Variants in SNX22 observed in about 807,000 individuals in gnomAD.
SNX22 encodes sorting nexin-22.
SNX22 carries 23 observed loss-of-function variants against 24.7 expected under a neutral mutation model. The ratio of observed to expected loss-of-function variants is 0.93; its 90% CI spans 0.67 to 1.32. The LOEUF is 1.32. Ranked by LOEUF, SNX22 falls within the 40% of genes most tolerant of loss-of-function variation. SNX22 has a pLI of 0.00. For synonymous variants in SNX22, 99 were observed against 104.0 expected (o/e 0.95, Z 0.29); for missense variants, 261 against 249.9 (o/e 1.04, Z -0.30).
Position 64,152,708 on chromosome 15 carries a change from A to C in SNX22, c.230A>C (p.Glu77Ala). The C allele has an allele frequency of 6.2e-7, 1 of 1,614,184 alleles. No homozygotes were observed. The highest frequency in any genetic ancestry group is 1.7e-5 in the Admixed American group (1 of 60,024). ...CCCAACTGGAGGACCAGAGGGTTGG[A>C]ACAGCGCCGGCAGGGCTTGGAGGCT... ...RLPNWRTRGL[E>A]QRRQGLEAYI... Residue 77 changes from glutamate to alanine, a missense_variant, in exon 3 of 7, where the codon GAA becomes GCA. Coordinates refer to ENST00000325881, the MANE Select transcript of SNX22 (RefSeq NM_024798.3).
At chr15:64,152,141 T>C in intron 1 of SNX22, 102 bp from the exon 2 acceptor site, 1 of 1,167,902 alleles carries the variant, frequency 8.6e-7, no homozygotes, top group Non-Finnish European at 1.1e-6. Context: ...GGCCGCTTTG[T>C]GCCTTTGAGA....
At chr15:64,152,463 C>T in intron 2 of SNX22, 137 bp downstream of exon 2, 2 of 1,252,496 alleles carry the variant, frequency 1.6e-6, no homozygotes, top group Non-Finnish European at 2.2e-6. Flanking sequence ...CCGGTCAGCC[C>T]CCGGGCCTCT....
intron 6 of SNX22, 140 bp from the exon 7 acceptor site, chr15:64,154,247 G>A: frequency 6.3e-7 from 1 of 1,578,786 alleles, no homozygotes; most frequent in Non-Finnish European, 8.6e-7. Flanking sequence ...ACCTGGGAAT[G>A]CGGAGGCTTC....
Position 64,154,756 on chromosome 15 carries a change from A to T in SNX22, c.*248A>T. On this transcript the variant is annotated 3_prime_UTR_variant, in exon 7 of 7. Coordinates refer to ENST00000325881, the MANE Select transcript of SNX22 (RefSeq NM_024798.3). ...AAGATAAGTAATAAAAGAGGAAGTC[A>T]GCCAGGCGCGGTGGCTCATGCCTGT... The T allele has an allele frequency of 2.6e-6, 1 of 382,616 alleles. No homozygotes were observed. The highest frequency in any genetic ancestry group is 4.7e-6 in the Non-Finnish European group (1 of 213,772). The allele number at this position is 382,616 out of a possible 1,614,324, so 23.7% of individuals were successfully genotyped here.
Position 64,154,704 on chromosome 15 carries a change from G to A in SNX22, c.*196G>A. The A allele has an allele frequency of 1.6e-6, 1 of 625,846 alleles. No individual in the cohort carries two copies. The highest frequency in any genetic ancestry group is 2.7e-6 in the Non-Finnish European group (1 of 374,764). The allele number at this position is 625,846 out of a possible 1,614,324, so 38.8% of individuals were successfully genotyped here. On this transcript the variant is annotated 3_prime_UTR_variant, in exon 7 of 7. Transcript: ENST00000325881. Reference sequence around the variant, plus strand: ...AGGTGGTAGAATTTGTATGCTCTTAGAGCCCAACAGCCAAGGCAGGGTCAA... The same window carrying A: ...AGGTGGTAGAATTTGTATGCTCTTAAAGCCCAACAGCCAAGGCAGGGTCAA...
intron 2 of SNX22, 144 bp from the exon 3 acceptor site, chr15:64,152,494 C>A: frequency 1.7e-6 from 2 of 1,204,334 alleles, no homozygotes; most frequent in African/African-American, 3.0e-5. Flanking sequence ...TGGGGCCTTC[C>A]TCGCCCTCGG....
chr15:64,153,676 C>T lies in SNX22; in HGVS notation c.384C>T (p.Gly128=), dbSNP rs747541757. ...GCACCCTGAGGGAGTTCCTGCCTGG[C>T]GACAGCAGGCAAGTCAAAGCCCTAG... ...NWGTLREFLP[G]DSSSQQHQRP... is the part of the protein sequence containing the mutation. Residue 128 remains glycine, a synonymous_variant, in exon 5 of 7, where the codon GGC becomes GGT. Transcript: ENST00000325881. 5 of 1,613,924 alleles carry T rather than the reference C, an allele frequency of 3.1e-6. No homozygotes were observed. The highest frequency in any genetic ancestry group is 4.2e-6 in the Non-Finnish European group (5 of 1,180,004).
chr15:64,152,900 AC>A, intron 3 of SNX22, 158 bp downstream of exon 3: 3 of 646,024 alleles, frequency 4.6e-6, no homozygotes, highest in Non-Finnish European at 5.3e-6. Context: ...AGGTCCAAAC[AC>A]CCCCCTCTGG....
rs527699458 is a variant in SNX22, at chr15:64,157,265, G to A, written c.*2757G>A. 9.3e-6 allele frequency: 3 copies of A among 322,860 alleles called. No individual in the cohort carries two copies. Among genetic ancestry groups the A allele is most frequent in the East Asian group, 1.4e-4 (2 of 14,160 alleles). 20.0% of individuals were successfully genotyped at this position (322,860 alleles called of 1,614,324 possible). On this transcript the variant is annotated 3_prime_UTR_variant, in exon 7 of 7. Transcript: ENST00000325881. This position sits in a 1 kb window ranked among gnomAD's most constrained non-coding sequence, Gnocchi z 4.2. ...GAGGGAAGTGCCGTGCAGGATGCAG[G>A]GGAGTCAACAGGGTCGGAACTCTCC...
In SNX22 at chr15:64,154,415, T is replaced by C. The variant is rs538992584; in HGVS notation, c.489T>C (p.Gly163=). ...CGCTGCCCAACGTGGTGGTGAATGG[T>C]GTGCTCCAGGGCCTCTACAGCTTCA... The part of the protein sequence containing the change: ...PESLPNVVVN[G]VLQGLYSFSI... The change falls in exon 7 of 7, where the codon GGT becomes GGC. Residue 163 remains glycine, a synonymous_variant. Transcript: ENST00000325881. 1.9e-6 allele frequency: 3 copies of C among 1,614,094 alleles called. No individual in the cohort carries two copies. In the Admixed American group the frequency reaches 5.0e-5, roughly 27 times the overall value.
chr15:64,152,981 C>G, intron 3 of SNX22: 1 of 608,332 alleles, frequency 1.6e-6, no homozygotes. Flanking sequence ...GGTCCTGTCC[C>G]CTCCATGGTG....
At position 64,151,865 on chromosome 15, in the gene SNX22, TG is replaced by T; in HGVS notation, c.75+17del. The T allele has an allele frequency of 6.5e-7, 1 of 1,528,580 alleles. No homozygotes were observed. The allele number at this position is 1,528,580 out of a possible 1,614,324, so 94.7% of individuals were successfully genotyped here. Reference sequence around the variant, plus strand: ...AAAGCCACATGGTGAGCGCGGCCCCTGGATGGGGAGGGGCGCCGGGACCCGC... The same window carrying T: ...AAAGCCACATGGTGAGCGCGGCCCCTGATGGGGAGGGGCGCCGGGACCCGC... On this transcript the variant is annotated intron_variant, in intron 1 of 6. Transcript: ENST00000325881.
Position 64,156,830 on chromosome 15 carries a change from G to A in SNX22, c.*2322G>A. The A allele has an allele frequency of 1.2e-6, 2 of 1,614,166 alleles. No homozygotes were observed. Among genetic ancestry groups the A allele is most frequent in the Non-Finnish European group, 1.7e-6 (2 of 1,180,024 alleles). ...AGCCGTTGGTGTCTTTGCCTGCGTT[G>A]GCCATGCTCACCCAGCCAGGCCCGT... On this transcript the variant is annotated 3_prime_UTR_variant, in exon 7 of 7. Transcript: ENST00000325881. This position sits in a 1 kb window ranked among gnomAD's most constrained non-coding sequence, Gnocchi z 6.4.
chr15:64,153,344 G>C lies in SNX22; in HGVS notation c.359+5G>C. The C allele has an allele frequency of 6.2e-7, 1 of 1,613,168 alleles. No homozygotes were observed. The highest frequency in any genetic ancestry group is 8.5e-7 in the Non-Finnish European group (1 of 1,179,356). On this transcript the variant is annotated splice_donor_5th_base_variant and intron_variant, in intron 4 of 6. Coordinates refer to ENST00000325881, the MANE Select transcript of SNX22 (RefSeq NM_024798.3). ...CCCCAAGGCTAGCAACTGGGGGTAA[G>C]GGGGGCCGATGGCGGGGGCCAGGGG...
Position 64,156,015 on chromosome 15 carries a change from CCT to C in SNX22, c.*1508_*1509del. The C allele has an allele frequency of 6.2e-7, 1 of 1,614,138 alleles. No individual in the cohort carries two copies. The stretch of plus-strand genomic sequence containing the variant: ...AGACGGTCACTCAAAGAAAGATGTC[CCT>C]GTGCCCTACTCCTTGGCGATGGCAA... On this transcript the variant is annotated 3_prime_UTR_variant, in exon 7 of 7. Coordinates refer to ENST00000325881, the MANE Select transcript of SNX22 (RefSeq NM_024798.3). This position sits in a 1 kb window ranked among gnomAD's most constrained non-coding sequence, Gnocchi z 6.4.
intron 2 of SNX22, 35 bp from the exon 3 acceptor site, chr15:64,152,603 G>A (rs747154728): frequency 1.3e-6 from 2 of 1,594,770 alleles, no homozygotes; most frequent in Admixed American, 1.7e-5. Flanking sequence ...GGCTCAGTCG[G>A]GATGCTGTGA....
chr15:64,156,430 C>T lies in SNX22; in HGVS notation c.*1922C>T, dbSNP rs980761506. On this transcript the variant is annotated 3_prime_UTR_variant, in exon 7 of 7. Transcript: ENST00000325881. The surrounding 1 kb of genome is among the most constrained non-coding windows in gnomAD (Gnocchi z 6.4). ...GGCATGTGGCTTCTCAGGGACATTG[C>T]GTTCAGCTGCACTCTGTATACCTCA... 8.1e-6 allele frequency: 5 copies of T among 615,654 alleles called. No individual in the cohort carries two copies. The highest frequency in any genetic ancestry group is 2.6e-5 in the Admixed American group (1 of 37,846). The allele number at this position is 615,654 out of a possible 1,614,324, so 38.1% of individuals were successfully genotyped here.
rs771956142 is a variant in SNX22, at chr15:64,153,225, G to A, written c.265-20G>A. 1.9e-6 allele frequency: 3 copies of A among 1,613,730 alleles called. No individual in the cohort carries two copies. Among genetic ancestry groups the A allele is most frequent in the Non-Finnish European group, 2.5e-6 (3 of 1,179,816 alleles). ...AATTAGTAGCTGGGTCTGATTGCAG[G>A]TCTCCTCTGTCCTCTCCAGGGCATC... On this transcript the variant is annotated intron_variant, in intron 3 of 6. Coordinates refer to ENST00000325881, the MANE Select transcript of SNX22 (RefSeq NM_024798.3).
rs1412404574 is a variant in SNX22 at position 64,156,007 on chromosome 15, A to T, written c.*1499A>T. On this transcript the variant is annotated 3_prime_UTR_variant, in exon 7 of 7. Coordinates refer to ENST00000325881, the MANE Select transcript of SNX22 (RefSeq NM_024798.3). This position sits in a 1 kb window ranked among gnomAD's most constrained non-coding sequence, Gnocchi z 6.4. ...GCCTGCACAGACGGTCACTCAAAGA[A>T]AGATGTCCCTGTGCCCTACTCCTTG... The T allele has an allele frequency of 5.0e-6, 8 of 1,614,094 alleles. No individual in the cohort carries two copies. Among genetic ancestry groups the T allele is most frequent in the African/African-American group, 1.3e-5 (1 of 75,042 alleles).
Sources: gnomAD v4.1 joint callset for allele counts on GRCh38, gnomAD v4.1.1 for gene constraint, Gnocchi (gnomAD v3.1) non-coding constraint, MANE v1.5 for transcripts, NCBI Gene and HGNC (gene_info 2026-07-23, HGNC 2026-07-21) for gene names.